MUC5AC: variants seen among roughly 807,000 people sequenced by gnomAD.
MUC5AC encodes mucin-5AC.
In MUC5AC, 158 loss-of-function variants were observed where a neutral mutation model predicts 169.7. That is an observed-to-expected ratio of 0.93 (90% confidence interval 0.82 to 1.06). MUC5AC has a LOEUF of 1.06. Among genes scored for constraint, MUC5AC ranks in the 50% least tolerant of loss-of-function variants. The pLI, the probability that MUC5AC is intolerant of heterozygous loss-of-function variation, is 0.00. For missense variants in MUC5AC, 4,359 were observed against 3,089.9 expected (o/e 1.41, Z -9.74); for synonymous variants, 1,975 against 1,237.0 (o/e 1.60, Z -12.52).
rs1861072029 is a variant in MUC5AC, at chr11:1,190,830, C to A, written c.12685C>A (p.Pro4229Thr). The A allele has an allele frequency of 5.4e-6, 4 of 739,864 alleles. No homozygotes were observed. Among genetic ancestry groups the A allele is most frequent in the Non-Finnish European group, 9.9e-6 (4 of 405,466 alleles). The allele number at this position is 739,864 out of a possible 1,614,324, so 45.8% of individuals were successfully genotyped here. A position where few individuals can be genotyped will look rare whatever the true frequency, so the allele number is the denominator to read the frequency against. ...TTCTGGAACTACTCCAAGCCCTGTTCCCACCACCAGCACAACCTCTGCCTC... is the reference window on the plus strand; with the variant it reads ...TTCTGGAACTACTCCAAGCCCTGTTACCACCACCAGCACAACCTCTGCCTC... The part of the protein sequence containing the change: ...SGSGTTPSPV[P>T]TTSTTSASTT... Residue 4229 changes from proline (P) to threonine (T), a missense_variant, in exon 31 of 49, where the codon CCC becomes ACC. By Grantham distance (38) the Pro-to-Thr change is conservative (BLOSUM62 -1). Transcript: ENST00000621226.
At chr11:1,181,032 C>T (rs1860805315) in intron 28 of MUC5AC, 107 bp from the exon 29 acceptor site, 2 of 397,206 alleles carry the variant, frequency 5.0e-6, no homozygotes, top group South Asian at 1.3e-4. Flanking sequence ...CCAGGGAACT[C>T]CACCCCTGTC....
chr11:1,189,758 A>C lies in MUC5AC; in HGVS notation c.11613A>C (p.Thr3871=). 1 of 671,300 alleles carries C rather than the reference A, an allele frequency of 1.5e-6. No homozygotes were observed. Among genetic ancestry groups the C allele is most frequent in the Non-Finnish European group, 2.7e-6 (1 of 368,162 alleles). The allele number at this position is 671,300 out of a possible 1,614,324, so 41.6% of individuals were successfully genotyped here. A position where few individuals can be genotyped will look rare whatever the true frequency, so the allele number is the denominator to read the frequency against. The change falls in exon 31 of 49, where the codon ACA becomes ACC. Residue 3871 remains threonine, a synonymous_variant. Coordinates refer to ENST00000621226, the MANE Select transcript of MUC5AC (RefSeq NM_001304359.2). The part of the protein sequence containing the change: ...SSTTSAPTAS[T]ISAPTTSTTS... ...CAACCTCTGCTCCTACAGCCAGCACAATCTCTGCCCCTACAACCAGCACAA... is the reference window on the plus strand; with the variant it reads ...CAACCTCTGCTCCTACAGCCAGCACCATCTCTGCCCCTACAACCAGCACAA...
chr11:1,185,810 C>T lies in MUC5AC; in HGVS notation c.7665C>T (p.Ser2555=). The T allele has an allele frequency of 2.7e-6, 2 of 746,848 alleles. No individual in the cohort carries two copies. The highest frequency in any genetic ancestry group is 4.9e-6 in the Non-Finnish European group (2 of 408,758). The allele number at this position is 746,848 out of a possible 1,614,324, so 46.3% of individuals were successfully genotyped here. Residue 2555 remains serine, a synonymous_variant, in exon 31 of 49, where the codon AGC becomes AGT. Coordinates refer to ENST00000621226, the MANE Select transcript of MUC5AC (RefSeq NM_001304359.2). The part of the protein sequence containing the change: ...TTSTTSAPIS[S]TTSATTTSTT... ...GCACAACCTCTGCCCCTATAAGCAG[C>T]ACAACCTCTGCCACTACAACCAGCA...
At chr11:1,162,457 G>GA (rs1860171845) in intron 4 of MUC5AC, 75 bp from the exon 5 acceptor site, 2 of 1,342,518 alleles carry the variant, frequency 1.5e-6, no homozygotes. Context: ...TCACATTTGC[G>GA]ACCGCAGGCA....
At chr11:1,193,830 G>C (rs2075842) in intron 33 of MUC5AC, among the ~76,000 whole-genome samples, 171 bp downstream of exon 33, 72,281 of 152,204 alleles carry the variant, frequency 0.47, 18,198 homozygotes, top group African/African-American at 0.66. Context: ...GAGCCTCCCC[G>C]CTTAGGGGTG....
Position 1,199,445 on chromosome 11 carries a change from G to GGTGGTCACCACGAAGAAGGC in MUC5AC, c.16474_16493dup (p.Cys5498TrpfsTer20). The GGTGGTCACCACGAAGAAGGC allele has an allele frequency of 1.4e-6, 1 of 729,444 alleles. No individual in the cohort carries two copies. Among genetic ancestry groups the GGTGGTCACCACGAAGAAGGC allele is most frequent in the South Asian group, 1.4e-5 (1 of 69,410 alleles). 45.2% of individuals were successfully genotyped at this position (729,444 alleles called of 1,614,324 possible). A position where few individuals can be genotyped will look rare whatever the true frequency, so the allele number is the denominator to read the frequency against. ...GTGAGAAGCACCAGGATGGGCTCGT[G>GGTGGTCACCACGAAGAAGGC]GTGGTCACCACGAAGAAGGCGTGCC... On this transcript the variant is annotated frameshift_variant, in exon 46 of 49. Coordinates refer to ENST00000621226, the MANE Select transcript of MUC5AC (RefSeq NM_001304359.2). LOFTEE classifies it high-confidence loss of function.
At chr11:1,181,611 C>T (rs940304502) in intron 30 of MUC5AC, among the ~76,000 whole-genome samples, 152 bp downstream of exon 30, 13 of 152,176 alleles carry the variant, frequency 8.5e-5, no homozygotes, top group Non-Finnish European at 2.9e-5. Context: ...GAGTCGGGCT[C>T]GGGGATGACC....
rs1262658694 is a variant in MUC5AC at position 1,168,770 on chromosome 11, C to T, written c.1696C>T (p.Gln566Ter). 2 of 1,601,846 alleles carry T rather than the reference C, an allele frequency of 1.2e-6. No individual in the cohort carries two copies. The highest frequency in any genetic ancestry group is 1.7e-6 in the Non-Finnish European group (2 of 1,171,820). The change falls in exon 14 of 49, where the codon CAG (glutamine) becomes TAG (stop). Residue 566 changes from glutamine to a stop codon, truncating the protein, a stop_gained. Transcript: ENST00000621226. LOFTEE classifies it high-confidence loss of function. Reference protein sequence around the residue: ...FMQLAPKLRGQTCGLCGNFNS... With the variant: ...FMQLAPKLRG ...GCAGCTGGCGCCCAAGCTCCGTGGGCAGACCTGCGGTAAGAGGGCTGCCTT... is the reference window on the plus strand; with the variant it reads ...GCAGCTGGCGCCCAAGCTCCGTGGGTAGACCTGCGGTAAGAGGGCTGCCTT...
chr11:1,174,492 G>A lies in MUC5AC; in HGVS notation c.1966-4G>A. On this transcript the variant is annotated splice_region_variant and splice_polypyrimidine_tract_variant and intron_variant, in intron 16 of 48. Coordinates refer to ENST00000621226, the MANE Select transcript of MUC5AC (RefSeq NM_001304359.2). ...TGATGCCCCGATGACCCCCTTCCCT[G>A]CAGAACTGCATGTTTGACACCTGCA... 4 of 1,538,782 alleles carry A rather than the reference G, an allele frequency of 2.6e-6. No homozygotes were observed. In the South Asian group the frequency reaches 4.8e-5, roughly 18 times the overall value.
intron 11 of MUC5AC, 129 bp downstream of exon 11, chr11:1,165,889 G>C: frequency 1.5e-6 from 2 of 1,353,614 alleles, no homozygotes; most frequent in Non-Finnish European, 2.0e-6. Flanking sequence ...CCGATGTTGA[G>C]ACCTCAAGGA....
rs1158285113 is a variant in MUC5AC, at chr11:1,191,869, C to G, written c.13724C>G (p.Thr4575Ser). Residue 4575 changes from threonine to serine, a missense_variant, in exon 31 of 49, where the codon ACC (threonine) becomes AGC (serine). By Grantham distance (58) the Thr-to-Ser change is moderately conservative (BLOSUM62 1). Transcript: ENST00000621226. ...PGTTPSPVPTTSTTSAPTTST... is the reference protein window; with the variant it reads ...PGTTPSPVPTSSTTSAPTTST... ...ACTACTCCCAGCCCTGTTCCCACCA[C>G]CAGCACAACCTCTGCTCCTACAACC... The G allele has an allele frequency of 1.3e-6, 1 of 763,010 alleles. No homozygotes were observed. The highest frequency in any genetic ancestry group is 2.4e-6 in the Non-Finnish European group (1 of 417,390). 47.3% of individuals were successfully genotyped at this position (763,010 alleles called of 1,614,324 possible). A position where few individuals can be genotyped will look rare whatever the true frequency, so the allele number is the denominator to read the frequency against.
chr11:1,162,398 A>T, intron 4 of MUC5AC, 134 bp from the exon 5 acceptor site: 2 of 1,031,232 alleles, frequency 1.9e-6, no homozygotes, highest in Non-Finnish European at 2.8e-6. Context: ...CGAGCTCCAG[A>T]GGTCAATGTC....
In MUC5AC at chr11:1,169,016, C is replaced by A; in HGVS notation, c.1860C>A (p.Ser620Arg). 6.3e-7 allele frequency: 1 copy of A among 1,591,116 alleles called. No homozygotes were observed. ...GCTTCGAGGACCCCTGCTCTCTGAG[C>A]GTGGAGAATGGTACGGGTGTCCACG... ...RNSFEDPCSLSVENEKYAQHW... is the reference protein window; with the variant it reads ...RNSFEDPCSLRVENEKYAQHW... The change falls in exon 15 of 49, where the codon AGC (serine) becomes AGA (arginine). Residue 620 changes from serine (S) to arginine (R), a missense_variant. Ser to Arg is a moderately radical substitution (Grantham distance 110). Transcript: ENST00000621226.
In MUC5AC at chr11:1,180,362, C is replaced by A; in HGVS notation, c.3622C>A (p.Pro1208Thr). 7.5e-6 allele frequency: 3 copies of A among 398,746 alleles called. No homozygotes were observed. The highest frequency in any genetic ancestry group is 1.3e-5 in the Non-Finnish European group (3 of 226,134). 24.7% of individuals were successfully genotyped at this position (398,746 alleles called of 1,614,324 possible). Residue 1208 changes from proline to threonine, a missense_variant, in exon 28 of 49, where the codon CCC (proline) becomes ACC (threonine). Pro to Thr is a conservative substitution (Grantham distance 38). Transcript: ENST00000621226. ...GCCTCTTTGGCCCACAGGCTGCTAC[C>A]CCAAGTGCCCACCAGAGGCTCCCAT... ...RDVRGLEGCY[P>T]KCPPEAPIFD...
intron 16 of MUC5AC, among the ~76,000 whole-genome samples, chr11:1,173,561 C>T (rs1297514731): frequency 3.0e-5 from 4 of 132,942 alleles, no homozygotes; most frequent in East Asian, 2.3e-4. Context: ...ATTCCTTCAC[C>T]TACTCATTCA....
rs1861077874 is a variant in MUC5AC at position 1,190,971 on chromosome 11, G to A, written c.12826G>A (p.Ala4276Thr). Residue 4276 changes from alanine to threonine, a missense_variant, in exon 31 of 49, where the codon GCT becomes ACT. By Grantham distance (58) the Ala-to-Thr change is moderately conservative. Coordinates refer to ENST00000621226, the MANE Select transcript of MUC5AC (RefSeq NM_001304359.2). The stretch of plus-strand genomic sequence containing the variant: ...TGCTGCTACAACCAGCACAACCTCT[G>A]CTCCTACAACCAGAACAACATCTGC... ...TSAATTSTTSAPTTRTTSAPT... is the reference protein window; with the variant it reads ...TSAATTSTTSTPTTRTTSAPT... 2 of 742,552 alleles carry A rather than the reference G, an allele frequency of 2.7e-6. No individual in the cohort carries two copies. Among genetic ancestry groups the A allele is most frequent in the African/African-American group, 3.6e-5 (2 of 56,172 alleles). The allele number at this position is 742,552 out of a possible 1,614,324, so 46.0% of individuals were successfully genotyped here. A position where few individuals can be genotyped will look rare whatever the true frequency, so the allele number is the denominator to read the frequency against.
intron 24 of MUC5AC, among the ~76,000 whole-genome samples, 169 bp downstream of exon 24, chr11:1,177,802 A>AGTTGCT (rs1860723290): frequency 1.3e-5 from 2 of 152,130 alleles, no homozygotes; most frequent in Non-Finnish European, 2.9e-5. Context: ...GCGGGTCAGG[A>AGTTGCT]GACTCCTTGG....
At position 1,183,953 on chromosome 11, in the gene MUC5AC, C is replaced by G; in HGVS notation, c.5808C>G (p.Val1936=). ...CCACGGCCCCGGGGACCTCTGTGGTCTCCAGCAAGCCCACCCCCACGGAGC... is the reference window on the plus strand; with the variant it reads ...CCACGGCCCCGGGGACCTCTGTGGTGTCCAGCAAGCCCACCCCCACGGAGC... ...MSTTAPGTSV[V]SSKPTPTEPS... Residue 1936 remains valine, a synonymous_variant, in exon 31 of 49, where the codon GTC becomes GTG. Transcript: ENST00000621226. 2.5e-6 allele frequency: 1 copy of G among 396,144 alleles called. No individual in the cohort carries two copies. Among genetic ancestry groups the G allele is most frequent in the Non-Finnish European group, 4.4e-6 (1 of 227,776 alleles). 24.5% of individuals were successfully genotyped at this position (396,144 alleles called of 1,614,324 possible). A position where few individuals can be genotyped will look rare whatever the true frequency, so the allele number is the denominator to read the frequency against.
rs879185391 is a variant in MUC5AC, at chr11:1,176,633, C to T, written c.2622C>T (p.Ala874=). 0.17 allele frequency: 67,821 copies of T among 398,594 alleles called. 6,502 individuals are homozygous for T. The highest frequency in any genetic ancestry group is 0.2 in the Non-Finnish European group (44,147 of 226,028). 24.7% of individuals were successfully genotyped at this position (398,594 alleles called of 1,614,324 possible). A position where few individuals can be genotyped will look rare whatever the true frequency, so the allele number is the denominator to read the frequency against. ...TGCACAATGAGGCCAGCTACCGGGC[C>T]GGCCAGACCATCCGGGTGGGCTGCA... ...PCVHNEASYR[A]GQTIRVGCNT... is the part of the protein sequence containing the mutation. Residue 874 remains alanine (A), a synonymous_variant, in exon 21 of 49, where the codon GCC becomes GCT. Coordinates refer to ENST00000621226, the MANE Select transcript of MUC5AC (RefSeq NM_001304359.2).
Sources: gnomAD v4.1 joint callset for allele counts (sites outside exome capture counted in the v4.1 genomes callset) on GRCh38, gnomAD v4.1.1 for gene constraint, MANE v1.5 for transcripts, NCBI Gene and HGNC (gene_info 2026-07-23, HGNC 2026-07-21) for gene names.